CUX2: variants seen among roughly 807,000 people sequenced by gnomAD.
CUX2 encodes the protein cut like homeobox 2, also known as homeobox protein cut-like 2.
A neutral mutation model predicts 144.8 loss-of-function variants in CUX2; 40 were observed. The ratio of observed to expected loss-of-function variants is 0.28; its 90% CI spans 0.21 to 0.36. The LOEUF is 0.36. Ranked by LOEUF, CUX2 falls within the 10% of genes least tolerant of loss-of-function variation. CUX2 has a pLI of 1.00. For synonymous variants in CUX2, 827 were observed against 875.6 expected (o/e 0.94, Z 0.98); for missense variants, 1,615 against 1,994.0 (o/e 0.81, Z 3.62).
intron 1 of CUX2, among the ~76,000 whole-genome samples, chr12:111,107,321 C>G (rs1873670498): frequency 6.6e-6 from 1 of 152,242 alleles, no homozygotes; most frequent in Non-Finnish European, 1.5e-5. Flanking sequence ...AGTCCTTGAG[C>G]CCATGTAAGT....
intron 1 of CUX2, among the ~76,000 whole-genome samples, chr12:111,063,120 C>G (rs1416824949): frequency 6.6e-6 from 1 of 152,126 alleles, no homozygotes; most frequent in Non-Finnish European, 1.5e-5. Flanking sequence ...ATCCTCTGGC[C>G]CAAGTCTGTA....
intron 1 of CUX2, among the ~76,000 whole-genome samples, chr12:111,143,439 G>T (rs1208837606): frequency 1.2e-4 from 18 of 152,170 alleles, no homozygotes. Context: ...GGCTACACAG[G>T]CCCGGGACCC....
chr12:111,147,906 C>T (rs1876798688), intron 1 of CUX2, among the ~76,000 whole-genome samples: 1 of 152,204 alleles, frequency 6.6e-6, no homozygotes, highest in Non-Finnish European at 1.5e-5. Context: ...GGTTTCCCAC[C>T]CAGGCGCCCA....
At chr12:111,325,508 G>C (rs1396525244) in intron 18 of CUX2, among the ~76,000 whole-genome samples, 3 of 152,150 alleles carry the variant, frequency 2.0e-5, no homozygotes, top group African/African-American at 7.2e-5. Flanking sequence ...GGCAGACCTA[G>C]GATGAGCACC....
chr12:111,135,096 G>A (rs1227291413), intron 1 of CUX2, among the ~76,000 whole-genome samples: 1 of 152,098 alleles, frequency 6.6e-6, no homozygotes, highest in Non-Finnish European at 1.5e-5. Context: ...AGTTTCAATG[G>A]CGAGACAGAA....
chr12:111,086,580 A>G (rs978012542), intron 1 of CUX2, among the ~76,000 whole-genome samples: 1 of 152,114 alleles, frequency 6.6e-6, no homozygotes, highest in East Asian at 1.9e-4. Flanking sequence ...AGACAGGGAG[A>G]GGAAGAAGGC....
At chr12:111,198,013 C>A (rs1437118170) in intron 1 of CUX2, among the ~76,000 whole-genome samples, 2 of 152,192 alleles carry the variant, frequency 1.3e-5, no homozygotes, top group African/African-American at 4.8e-5. Flanking sequence ...TGTTCTTGAT[C>A]TCTCCTTCCC....
At chr12:111,052,649 CT>C (rs1870333480) in intron 1 of CUX2, among the ~76,000 whole-genome samples, 1 of 152,086 alleles carries the variant, frequency 6.6e-6, no homozygotes. Flanking sequence ...GAGTATGTCT[CT>C]GAATGTGTGC....
chr12:111,122,832 G>A (rs1792870450), intron 1 of CUX2, among the ~76,000 whole-genome samples: 1 of 152,148 alleles, frequency 6.6e-6, no homozygotes, highest in South Asian at 2.1e-4. Flanking sequence ...ACTTCAAATG[G>A]GGCAGGGGAC....
intron 1 of CUX2, among the ~76,000 whole-genome samples, chr12:111,138,086 C>T (rs998250943): frequency 7.9e-5 from 12 of 152,206 alleles, no homozygotes; most frequent in African/African-American, 2.9e-4. Flanking sequence ...CCCCTACTCC[C>T]ATCCCCTTTA....
chr12:111,306,069 G>A (rs909398883), intron 10 of CUX2, among the ~76,000 whole-genome samples: 1 of 152,096 alleles, frequency 6.6e-6, no homozygotes, highest in Admixed American at 6.6e-5. Flanking sequence ...GAGAGAGATG[G>A]AGAGTGAGAG....
chr12:111,315,638 G>A (rs1887148217), intron 16 of CUX2, among the ~76,000 whole-genome samples: 5 of 152,112 alleles, frequency 3.3e-5, no homozygotes. Flanking sequence ...AGAACCACTT[G>A]AACCTGGAAA....
chr12:111,347,672 C>T lies in CUX2; in HGVS notation c.3808C>T (p.Pro1270Ser), dbSNP rs1888868541. Reference protein sequence around the residue: ...SPDSETEDQKPTVKELELQEG... With the variant: ...SPDSETEDQKSTVKELELQEG... ...TGACTCTGAGACTGAGGACCAGAAG[C>T]CAACCGTGAAGGAACTGGAGCTTCA... Residue 1270 changes from proline to serine, a missense_variant, in exon 22 of 22, where the codon CCA (proline) becomes TCA (serine). Physicochemically the swap from Pro to Ser is moderately conservative, Grantham distance 74 (BLOSUM62 -1). Coordinates refer to ENST00000261726, the MANE Select transcript of CUX2 (RefSeq NM_015267.4). 3.1e-6 allele frequency: 5 copies of T among 1,613,362 alleles called. No homozygotes were observed. The Admixed American group carries it at 6.7e-5, about 22-fold the overall frequency.
At position 111,304,748 on chromosome 12, in the gene CUX2, G is replaced by A. The variant is rs1387059946; in HGVS notation, c.858+434G>A. Among the ~76,000 whole-genome samples the A allele has an allele frequency of 3.9e-5, 6 of 152,130 alleles. No homozygotes were observed. Among genetic ancestry groups the A allele is most frequent in the Non-Finnish European group, 7.4e-5 (5 of 68,022 alleles). The stretch of plus-strand genomic sequence containing the variant: ...GTTTTGGTGGCTGCCACCAGGTGTC[G>A]CTGTTGAACACCGGTCATAGCAGCT... On this transcript the variant is annotated intron_variant, in intron 10 of 21. Transcript: ENST00000261726. The surrounding 1 kb of genome is among the most constrained non-coding windows in gnomAD (Gnocchi z 4.7).
chr12:111,225,991 C>T (rs1373363346), intron 3 of CUX2, among the ~76,000 whole-genome samples: 3 of 152,146 alleles, frequency 2.0e-5, no homozygotes, highest in Non-Finnish European at 2.9e-5. Context: ...TTTCCGCTGC[C>T]GGAGTGCAGC....
intron 1 of CUX2, among the ~76,000 whole-genome samples, chr12:111,137,063 G>A (rs1369646182): frequency 1.3e-5 from 2 of 151,438 alleles, no homozygotes; most frequent in Admixed American, 6.6e-5. Context: ...TCAGCCTCCC[G>A]AGTAGGTGGG....
chr12:111,083,542 G>A (rs1276215467), intron 1 of CUX2, among the ~76,000 whole-genome samples: 1 of 152,082 alleles, frequency 6.6e-6, no homozygotes, highest in Middle Eastern at 3.2e-3. Context: ...GTGGTAATGG[G>A]GTGGGTGTTG....
chr12:111,158,383 G>A (rs968020331), intron 1 of CUX2, among the ~76,000 whole-genome samples: 5 of 151,530 alleles, frequency 3.3e-5, no homozygotes, highest in Non-Finnish European at 4.4e-5. Flanking sequence ...CAAAGTGGGA[G>A]GATCTCTTGA....
intron 10 of CUX2, among the ~76,000 whole-genome samples, chr12:111,306,140 C>T (rs1267595802): frequency 2.0e-5 from 3 of 152,100 alleles, no homozygotes; most frequent in African/African-American, 4.8e-5. Flanking sequence ...CCGTGGAACC[C>T]GGCAAATGCC....
Sources: allele counts gnomAD v4.1 joint callset (sites outside exome capture counted in the v4.1 genomes callset), GRCh38; gene constraint gnomAD v4.1.1; non-coding constraint Gnocchi (gnomAD v3.1); transcripts MANE v1.5; gene names NCBI Gene and HGNC (gene_info 2026-07-23, HGNC 2026-07-21).